The following RNF152 variants were observed in gnomAD, a reference collection of about 807,000 sequenced individuals.
RNF152 encodes ring finger protein 152, also known as E3 ubiquitin-protein ligase RNF152.
Under a neutral mutation model 12.7 loss-of-function variants are expected in RNF152, and 11 were observed. The observed-to-expected ratio is 0.86, with a 90% CI of 0.54 to 1.43. The LOEUF is 1.43. Ranked by LOEUF, RNF152 falls within the 40% of genes most tolerant of loss-of-function variation. RNF152 has a pLI of 0.00. For missense variants in RNF152, 255 were observed against 274.8 expected (o/e 0.93, Z 0.51); for synonymous variants, 113 against 120.3 (o/e 0.94, Z 0.40).
At chr18:61,871,931 A>C (rs1912012992) in intron 1 of RNF152, among the ~76,000 whole-genome samples, 2 of 152,226 alleles carry the variant, frequency 1.3e-5, no homozygotes, top group South Asian at 4.1e-4. Flanking sequence ...TATTAAGGGC[A>C]GTATATGGGT....
intron 1 of RNF152, among the ~76,000 whole-genome samples, chr18:61,833,476 C>T (rs1350257842): frequency 6.6e-6 from 1 of 152,194 alleles, no homozygotes. Context: ...GAACTCCTGT[C>T]CTTCAAATGA....
intron 1 of RNF152, among the ~76,000 whole-genome samples, chr18:61,877,726 G>A (rs543633455): frequency 2.6e-4 from 39 of 152,260 alleles, no homozygotes; most frequent in Middle Eastern, 3.4e-3. Flanking sequence ...TAAGGCTGAT[G>A]CTGCACAAGA....
chr18:61,842,974 A>G (rs916629357), intron 1 of RNF152, among the ~76,000 whole-genome samples: 2 of 152,184 alleles, frequency 1.3e-5, no homozygotes, highest in South Asian at 2.1e-4. Context: ...GAGCCAAACC[A>G]TATCACCCTG....
chr18:61,857,316 T>C (rs2144707756), intron 1 of RNF152, among the ~76,000 whole-genome samples: 1 of 152,358 alleles, frequency 6.6e-6, no homozygotes, highest in East Asian at 1.9e-4. Context: ...CTTCAACGCC[T>C]GCTCTGGAAA....
intron 1 of RNF152, among the ~76,000 whole-genome samples, chr18:61,842,812 T>C (rs2144674642): frequency 6.6e-6 from 1 of 152,302 alleles, no homozygotes; most frequent in South Asian, 2.1e-4. Flanking sequence ...AACTCCCATT[T>C]TTAAAACCAT....
intron 1 of RNF152, among the ~76,000 whole-genome samples, chr18:61,827,896 A>C (rs1241476034): frequency 6.6e-6 from 1 of 152,224 alleles, no homozygotes; most frequent in Admixed American, 6.5e-5. Context: ...AAAAGTACAA[A>C]CCTTGAAACT....
chr18:61,873,458 C>A (rs1008414982), intron 1 of RNF152, among the ~76,000 whole-genome samples: 1 of 152,320 alleles, frequency 6.6e-6, no homozygotes, highest in Non-Finnish European at 1.5e-5. Flanking sequence ...CTGCCTCAGC[C>A]TCCCAAGTAG....
chr18:61,875,613 T>C (rs899068019), intron 1 of RNF152, among the ~76,000 whole-genome samples: 3 of 152,214 alleles, frequency 2.0e-5, no homozygotes, highest in African/African-American at 7.2e-5. Context: ...ATGCTGCTTC[T>C]AAAGCAAACT....
chr18:61,839,119 C>A (rs1427861923), intron 1 of RNF152, among the ~76,000 whole-genome samples: 1 of 151,940 alleles, frequency 6.6e-6, no homozygotes, highest in Non-Finnish European at 1.5e-5. Context: ...AAGCTGCAGG[C>A]CTGAGGTCCC....
rs1282016779 is a variant in RNF152, at chr18:61,813,138, C to T, written c.*2714G>A. ...CTCTTGTGTCAGTGGACTTTGGTCA[C>T]ATGGGTAGATGTGTTTGTTAAGGGT... is the stretch of plus-strand genomic sequence containing the variant. On this transcript the variant is annotated 3_prime_UTR_variant, in exon 2 of 2. Coordinates refer to ENST00000312828, the MANE Select transcript of RNF152 (RefSeq NM_173557.3). 1 of 152,130 alleles carries T rather than the reference C, an allele frequency of 6.6e-6. No homozygotes were observed. The highest frequency in any genetic ancestry group is 1.5e-5 in the Non-Finnish European group (1 of 68,030). The allele number at this position is 152,130 out of a possible 1,614,324, so 9.4% of individuals were successfully genotyped here.
chr18:61,841,405 T>C (rs1464885612), intron 1 of RNF152, among the ~76,000 whole-genome samples: 1 of 152,236 alleles, frequency 6.6e-6, no homozygotes, highest in Admixed American at 6.5e-5. Flanking sequence ...CAAAATGACA[T>C]AGCCCACCTC....
chr18:61,874,759 T>C (rs1375516985), intron 1 of RNF152, among the ~76,000 whole-genome samples: 1 of 152,192 alleles, frequency 6.6e-6, no homozygotes, highest in Admixed American at 6.5e-5. Context: ...GGGCTAAGCA[T>C]AGTGGGGTAT....
intron 1 of RNF152, among the ~76,000 whole-genome samples, chr18:61,840,214 C>T (rs1000437363): frequency 1.3e-4 from 20 of 152,224 alleles, no homozygotes; most frequent in African/African-American, 4.6e-4. Flanking sequence ...AATCTGCCAG[C>T]ACCTTGATCT....
chr18:61,872,077 G>T (rs1912022590), intron 1 of RNF152, among the ~76,000 whole-genome samples: 1 of 152,174 alleles, frequency 6.6e-6, no homozygotes, highest in African/African-American at 2.4e-5. Context: ...GAGGCCTCAG[G>T]AAACTTACAA....
chr18:61,824,482 C>A (rs938746786), intron 1 of RNF152, among the ~76,000 whole-genome samples: 1 of 152,186 alleles, frequency 6.6e-6, no homozygotes, highest in Non-Finnish European at 1.5e-5. Context: ...GGCAAGAATG[C>A]GCATTTATGT....
intron 1 of RNF152, among the ~76,000 whole-genome samples, chr18:61,891,164 C>A (rs573810902): frequency 6.6e-6 from 1 of 152,288 alleles, no homozygotes; most frequent in Middle Eastern, 3.4e-3. Context: ...AGAAAGGAAG[C>A]AGGCATTGGA....
Position 61,846,998 on chromosome 18 carries a change from C to T in RNF152, c.-135-30400G>A, listed in dbSNP as rs1674837232. Among the ~76,000 whole-genome samples the T allele has an allele frequency of 2.0e-5, 3 of 152,096 alleles. No homozygotes were observed. In the South Asian group the frequency reaches 6.2e-4, roughly 32 times the overall value. ...AACTCAGGGACAATCACACCTCCAT[C>T]AAAATATTGTTATGAGGATTAAATG... is the stretch of plus-strand genomic sequence containing the variant. On this transcript the variant is annotated intron_variant, in intron 1 of 1. Coordinates refer to ENST00000312828, the MANE Select transcript of RNF152 (RefSeq NM_173557.3).
intron 1 of RNF152, among the ~76,000 whole-genome samples, chr18:61,866,626 T>G (rs1432293050): frequency 6.6e-6 from 1 of 152,204 alleles, no homozygotes; most frequent in African/African-American, 2.4e-5. Context: ...CATCAGTTAC[T>G]TGCACATGGT....
intron 1 of RNF152, among the ~76,000 whole-genome samples, chr18:61,844,169 G>GAGA (rs1487897791): frequency 8.9e-6 from 1 of 112,000 alleles, no homozygotes; most frequent in East Asian, 2.4e-4. Flanking sequence ...AAGGGAGGAA[G>GAGA]GGAGGAAGAG....
Sources: allele counts gnomAD v4.1 joint callset (sites outside exome capture counted in the v4.1 genomes callset), GRCh38; gene constraint gnomAD v4.1.1; transcripts MANE v1.5; gene names NCBI Gene and HGNC (gene_info 2026-07-23, HGNC 2026-07-21).